CEP112: variants seen among roughly 807,000 people sequenced by gnomAD.
CEP112 encodes the protein centrosomal protein of 112 kDa.
Under a neutral mutation model 153.0 loss-of-function variants are expected in CEP112, and 127 were observed. That is an observed-to-expected ratio of 0.83 (90% confidence interval 0.72 to 0.96). The LOEUF is 0.96. CEP112 is among the 40% of genes least tolerant of loss of function. The pLI is 0.00. For synonymous variants in CEP112, 358 were observed against 374.4 expected, an observed-to-expected ratio of 0.96 and a Z score of 0.51; for missense variants, 1,089 against 1,101.2, an observed-to-expected ratio of 0.99 and a Z score of 0.16.
chr17:65,861,051 A>G (rs1229372604), intron 20 of CEP112, among the ~76,000 whole-genome samples: 2 of 152,236 alleles, frequency 1.3e-5, no homozygotes, highest in African/African-American at 4.8e-5. Flanking sequence ...TGAAACAAGC[A>G]CATCTATAGA....
chr17:66,146,851 T>A (rs1225349297), intron 4 of CEP112, among the ~76,000 whole-genome samples: 1 of 152,166 alleles, frequency 6.6e-6, no homozygotes, highest in Non-Finnish European at 1.5e-5. Flanking sequence ...TTTCTTCCTT[T>A]TTAGGGCTGA....
At chr17:65,660,338 CTTTT>C (rs1171355563) in intron 24 of CEP112, among the ~76,000 whole-genome samples, 10 of 84,966 alleles carry the variant, frequency 1.2e-4, no homozygotes, top group Non-Finnish European at 1.7e-4. Context: ...CTCTTTCTTT[CTTTT>C]TCTCTCTCGT....
chr17:66,166,903 C>CA (rs10714039), intron 4 of CEP112, among the ~76,000 whole-genome samples: 987 of 88,364 alleles, frequency 0.011, 17 homozygotes, highest in South Asian at 0.064. Flanking sequence ...GACTCCATCT[C>CA]AAAAAAAAAA....
chr17:65,658,359 G>A (rs1056300363), intron 24 of CEP112, among the ~76,000 whole-genome samples: 1 of 152,218 alleles, frequency 6.6e-6, no homozygotes, highest in Non-Finnish European at 1.5e-5. Flanking sequence ...GGAACTCCTA[G>A]TCTGATCTGA....
rs3056819 is a variant in CEP112, at chr17:66,092,356, A to AACACACACACACACACACAC, written c.768+3875_768+3894dup. Among the ~76,000 whole-genome samples, 271 of 135,128 alleles carry AACACACACACACACACACAC rather than the reference A, an allele frequency of 2.0e-3. 3 individuals are homozygous for AACACACACACACACACACAC. The highest frequency in any genetic ancestry group is 6.9e-3 in the African/African-American group (242 of 35,006). The allele number at this position is 135,128 out of a possible 152,430, so 88.6% of individuals were successfully genotyped here. A position where few individuals can be genotyped will look rare whatever the true frequency, so the allele number is the denominator to read the frequency against. On this transcript the variant is annotated intron_variant, in intron 8 of 26. Transcript: ENST00000535342. ...AGTCCGGCCTTGAAGCATTAATTTA[A>AACACACACACACACACACAC]ACACACACACACACACACACACACA...
intron 16 of CEP112, among the ~76,000 whole-genome samples, chr17:66,011,033 G>A (rs2064502779): frequency 6.6e-6 from 1 of 152,154 alleles, no homozygotes; most frequent in African/African-American, 2.4e-5. Context: ...AGTAGGAATA[G>A]TAGCAGCTCT....
intron 23 of CEP112, among the ~76,000 whole-genome samples, chr17:65,735,888 G>A (rs80014325): frequency 5.4e-4 from 83 of 152,326 alleles, no homozygotes; most frequent in African/African-American, 1.9e-3. Context: ...TACCTTAAGA[G>A]CTGCTGGTTT....
intron 17 of CEP112, among the ~76,000 whole-genome samples, chr17:65,975,457 T>C (rs887722139): frequency 2.6e-5 from 4 of 152,204 alleles, no homozygotes; most frequent in Admixed American, 6.6e-5. Context: ...TACACAAATA[T>C]ATACACACAC....
At chr17:65,947,263 A>G (rs2061680508) in intron 18 of CEP112, among the ~76,000 whole-genome samples, 1 of 152,034 alleles carries the variant, frequency 6.6e-6, no homozygotes, top group Admixed American at 6.6e-5. Context: ...ATACACCTTT[A>G]TGCATTGGTC....
intron 8 of CEP112, among the ~76,000 whole-genome samples, chr17:66,084,793 A>T (rs1193571052): frequency 6.6e-6 from 1 of 152,154 alleles, no homozygotes; most frequent in Non-Finnish European, 1.5e-5. Context: ...TTAATTGTAC[A>T]TTTTAAAACA....
chr17:65,984,526 A>G (rs1287419911), intron 17 of CEP112, among the ~76,000 whole-genome samples: 2 of 152,198 alleles, frequency 1.3e-5, no homozygotes, highest in Non-Finnish European at 2.9e-5. Context: ...ACCTGAACAG[A>G]AGACCGACAA....
At chr17:66,138,299 T>C (rs1198494753) in intron 4 of CEP112, among the ~76,000 whole-genome samples, 1 of 152,216 alleles carries the variant, frequency 6.6e-6, no homozygotes, top group African/African-American at 2.4e-5. Context: ...GTGAGGGGTC[T>C]GGCATAACAT....
At chr17:66,105,826 T>C (rs930356238) in intron 6 of CEP112, among the ~76,000 whole-genome samples, 1 of 152,098 alleles carries the variant, frequency 6.6e-6, no homozygotes, top group African/African-American at 2.4e-5. Flanking sequence ...TTACAGAACA[T>C]TTCATCCAAA....
At chr17:66,113,097 T>C (rs536841461) in intron 6 of CEP112, among the ~76,000 whole-genome samples, 1 of 151,740 alleles carries the variant, frequency 6.6e-6, no homozygotes, top group South Asian at 2.1e-4. Context: ...TAAAATAAAA[T>C]AAAAATAAGT....
intron 21 of CEP112, among the ~76,000 whole-genome samples, chr17:65,846,622 A>T (rs969278771): frequency 6.6e-6 from 1 of 152,166 alleles, no homozygotes; most frequent in African/African-American, 2.4e-5. Flanking sequence ...AGGCTGAAGC[A>T]CAGTGGCGCA....
At chr17:65,971,153 C>T (rs1316343325) in intron 17 of CEP112, among the ~76,000 whole-genome samples, 1 of 150,508 alleles carries the variant, frequency 6.6e-6, no homozygotes, top group Admixed American at 6.6e-5. Flanking sequence ...GCACATGATA[C>T]ATGTACATTA....
intron 20 of CEP112, among the ~76,000 whole-genome samples, chr17:65,868,724 A>G (rs2058559666): frequency 6.6e-6 from 1 of 152,236 alleles, no homozygotes; most frequent in Admixed American, 6.5e-5. Flanking sequence ...TATAATGCAT[A>G]CAACTATATA....
At chr17:66,093,775 T>C (rs1187201191) in intron 8 of CEP112, among the ~76,000 whole-genome samples, 1 of 152,140 alleles carries the variant, frequency 6.6e-6, no homozygotes, top group African/African-American at 2.4e-5. Context: ...ATATATTTCA[T>C]GCAATCCCTA....
At chr17:65,711,036 C>T (rs1226231678) in intron 23 of CEP112, among the ~76,000 whole-genome samples, 1 of 152,186 alleles carries the variant, frequency 6.6e-6, no homozygotes, top group South Asian at 2.1e-4. Flanking sequence ...TTGGTGGCGA[C>T]GAGTGGGTGG....
Sources: allele counts gnomAD v4.1 joint callset (sites outside exome capture counted in the v4.1 genomes callset), GRCh38; gene constraint gnomAD v4.1.1; transcripts MANE v1.5; gene names NCBI Gene and HGNC (gene_info 2026-07-23, HGNC 2026-07-21).